The following CHN2 variants were observed in gnomAD, a reference collection of about 807,000 sequenced individuals.
CHN2 encodes chimerin 2.
A neutral mutation model predicts 56.3 loss-of-function variants in CHN2; 35 were observed. The observed-to-expected ratio is 0.62, with a 90% CI of 0.47 to 0.82. The LOEUF (loss-of-function observed/expected upper bound fraction) is 0.82, where lower values mean the gene tolerates loss of function less well. Among genes scored for constraint, CHN2 ranks in the 40% least tolerant of loss-of-function variants. The pLI, the probability that CHN2 is intolerant of heterozygous loss-of-function variation, is 0.00. For synonymous variants in CHN2, 210 were observed against 212.8 expected, an observed-to-expected ratio of 0.99 and a Z score of 0.12; for missense variants, 491 against 580.5, an observed-to-expected ratio of 0.85 and a Z score of 1.58.
chr7:29,243,883 G>T (rs1232363616), intron 1 of CHN2, among the ~76,000 whole-genome samples: 3 of 152,180 alleles, frequency 2.0e-5, no homozygotes, highest in Non-Finnish European at 4.4e-5. Flanking sequence ...ATGTCAAAGT[G>T]CACTCAAGTC....
At chr7:29,476,237 G>A (rs1786574248) in intron 6 of CHN2, among the ~76,000 whole-genome samples, 1 of 152,082 alleles carries the variant, frequency 6.6e-6, no homozygotes, top group South Asian at 2.1e-4. Context: ...TCTTAAATGA[G>A]TCAAAATATG....
chr7:29,195,248 G>C (rs1279536445), intron 1 of CHN2: 2 of 420,252 alleles, frequency 4.8e-6, no homozygotes, highest in Non-Finnish European at 8.4e-6. Context: ...CCGGGGCTTG[G>C]AGTGCAGCGA....
intron 1 of CHN2, among the ~76,000 whole-genome samples, chr7:29,258,956 T>A (rs1789306737): frequency 6.6e-6 from 1 of 150,770 alleles, no homozygotes; most frequent in East Asian, 2.0e-4. Flanking sequence ...AAACACCAAA[T>A]GTCCAGCAAT....
chr7:29,326,231 C>G (rs1795793928), intron 1 of CHN2, among the ~76,000 whole-genome samples: 1 of 152,118 alleles, frequency 6.6e-6, no homozygotes, highest in Admixed American at 6.6e-5. Context: ...AATCTCGAAT[C>G]ACAGCAACCT....
At chr7:29,336,026 A>G (rs956152858) in intron 1 of CHN2, 1 of 152,274 alleles carries the variant, frequency 6.6e-6, no homozygotes, top group Non-Finnish European at 1.5e-5. Context: ...TCTTCATTCT[A>G]CCAGAAGCCA....
intron 2 of CHN2, among the ~76,000 whole-genome samples, chr7:29,159,003 A>G (rs570891727): frequency 1.3e-5 from 2 of 152,340 alleles, no homozygotes; most frequent in East Asian, 3.9e-4. Context: ...TCCACTGTAA[A>G]GTACACTTTC....
At chr7:29,510,392 T>C (rs532893223) in intron 12 of CHN2, among the ~76,000 whole-genome samples, 52 of 152,186 alleles carry the variant, frequency 3.4e-4, no homozygotes, top group African/African-American at 1.1e-3. Context: ...TGAGCGAAGA[T>C]GGCACCACTG....
At chr7:29,457,853 T>C (rs1264443890) in intron 6 of CHN2, among the ~76,000 whole-genome samples, 2 of 152,192 alleles carry the variant, frequency 1.3e-5, no homozygotes, top group Admixed American at 1.3e-4. Flanking sequence ...ATTGTGCAGC[T>C]GTACTGGGGA....
At chr7:29,439,394 T>A (rs186548220) in intron 6 of CHN2, among the ~76,000 whole-genome samples, 82 of 152,332 alleles carry the variant, frequency 5.4e-4, no homozygotes, top group Admixed American at 5.2e-3. Context: ...GTTCCTTGAC[T>A]CTGCCATGTT....
intron 6 of CHN2, among the ~76,000 whole-genome samples, chr7:29,426,786 A>G (rs1207813491): frequency 2.0e-5 from 3 of 152,118 alleles, no homozygotes; most frequent in Non-Finnish European, 2.9e-5. Flanking sequence ...TGCACTTCCA[A>G]TCTCATGCAA....
At chr7:29,280,572 G>A (rs1791623122) in intron 1 of CHN2, among the ~76,000 whole-genome samples, 1 of 152,024 alleles carries the variant, frequency 6.6e-6, no homozygotes, top group African/African-American at 2.4e-5. Flanking sequence ...AGGATTACAG[G>A]TAAACAAACC....
chr7:29,329,263 C>G (rs1436927670), intron 1 of CHN2, among the ~76,000 whole-genome samples: 1 of 147,336 alleles, frequency 6.8e-6, no homozygotes, highest in Non-Finnish European at 1.5e-5. Flanking sequence ...CTATGCACTA[C>G]AGTGAAATGA....
chr7:29,364,929 A>C (rs1293218654), intron 2 of CHN2, among the ~76,000 whole-genome samples: 1 of 152,164 alleles, frequency 6.6e-6, no homozygotes, highest in Admixed American at 6.5e-5. Context: ...AACAAAACTG[A>C]ATATGCATTA....
chr7:29,445,097 T>C (rs376618647), intron 6 of CHN2: 3 of 455,578 alleles, frequency 6.6e-6, no homozygotes, highest in East Asian at 6.9e-5. Flanking sequence ...TGGTTAGTCA[T>C]TCTCCTCCAC....
intron 1 of CHN2, among the ~76,000 whole-genome samples, chr7:29,282,641 T>C (rs3812351): frequency 0.2 from 30,018 of 152,208 alleles, 3,542 homozygotes; most frequent in Non-Finnish European, 0.26. Context: ...TTCTGATGTA[T>C]CTGTTCAGTA....
At chr7:29,389,460 T>G (rs1398646744) in intron 3 of CHN2, among the ~76,000 whole-genome samples, 3 of 152,210 alleles carry the variant, frequency 2.0e-5, no homozygotes. Context: ...TTACACGTCA[T>G]ACCTCTACCC....
intron 2 of CHN2, among the ~76,000 whole-genome samples, chr7:29,176,621 A>AT (rs1386063005): frequency 6.6e-6 from 1 of 152,194 alleles, no homozygotes; most frequent in Non-Finnish European, 1.5e-5. Flanking sequence ...TTAAAAGGGT[A>AT]TTTTTTAGGA....
rs372307943 is a variant in CHN2 at position 29,338,019 on chromosome 7, C to T, written c.50-16606C>T. Reference sequence around the variant, plus strand: ...AGCCAACTAGACAGCCTGACTGGGCCCCATCTATTTTTACTGGTCTTACAG... The same window carrying T: ...AGCCAACTAGACAGCCTGACTGGGCTCCATCTATTTTTACTGGTCTTACAG... On this transcript the variant is annotated intron_variant, in intron 1 of 12. Transcript: ENST00000222792. Among the ~76,000 whole-genome samples the T allele has an allele frequency of 2.7e-4, 41 of 152,228 alleles. 1 individual carries two copies. The South Asian group carries it at 8.3e-3, about 31-fold the overall frequency.
chr7:29,400,187 C>A, intron 5 of CHN2: 2 of 283,630 alleles, frequency 7.1e-6, no homozygotes, highest in South Asian at 5.9e-5. Context: ...CAGGCATTAC[C>A]CTCTGACCCT....
Sources: gnomAD v4.1 joint callset for allele counts (sites outside exome capture counted in the v4.1 genomes callset) on GRCh38, gnomAD v4.1.1 for gene constraint, MANE v1.5 for transcripts, NCBI Gene and HGNC (gene_info 2026-07-23, HGNC 2026-07-21) for gene names.